Variants in ZYG11A observed in about 807,000 individuals in gnomAD.
The protein encoded by ZYG11A is zyg-11 family member A, cell cycle regulator, also known as protein zyg-11 homolog A.
ZYG11A carries 62 observed loss-of-function variants against 77.2 expected under a neutral mutation model. The observed-to-expected ratio is 0.80, with a 90% CI of 0.65 to 0.99. The LOEUF is 0.99. Among genes scored for constraint, ZYG11A ranks in the 50% least tolerant of loss-of-function variants. ZYG11A has a pLI of 0.00. For synonymous variants in ZYG11A, 315 were observed against 324.6 expected, an observed-to-expected ratio of 0.97 and a Z score of 0.32; for missense variants, 828 against 896.8, an observed-to-expected ratio of 0.92 and a Z score of 0.98.
chr1:52,886,040 C>T (rs944010775), intron 12 of ZYG11A, 146 bp downstream of exon 12: 5 of 560,388 alleles, frequency 8.9e-6, no homozygotes, highest in South Asian at 2.6e-5. Flanking sequence ...TCACGCCATT[C>T]TCCTGCCTCA....
At chr1:52,879,514 C>T (rs767322018) in intron 10 of ZYG11A, among the ~76,000 whole-genome samples, 2 of 151,412 alleles carry the variant, frequency 1.3e-5, no homozygotes, top group African/African-American at 2.4e-5. Flanking sequence ...CTGGAAGGTA[C>T]GGAAAAGTAT....
chr1:52,849,255 A>C (rs923495804), intron 1 of ZYG11A, among the ~76,000 whole-genome samples: 6 of 151,644 alleles, frequency 4.0e-5, no homozygotes, highest in Non-Finnish European at 8.8e-5. Context: ...TTTTTAGTAG[A>C]GATGGGGTTT....
intron 1 of ZYG11A, among the ~76,000 whole-genome samples, chr1:52,853,315 G>T (rs957749719): frequency 6.6e-6 from 1 of 152,174 alleles, no homozygotes; most frequent in Non-Finnish European, 1.5e-5. Flanking sequence ...ATCTGTACAT[G>T]CCTTTATAGC....
chr1:52,861,976 T>A (rs1645935906), intron 4 of ZYG11A, among the ~76,000 whole-genome samples: 1 of 151,918 alleles, frequency 6.6e-6, no homozygotes, highest in Non-Finnish European at 1.5e-5. Flanking sequence ...TTTGGGAGGC[T>A]GAGGTGGACA....
chr1:52,879,739 C>G (rs1646328586), intron 10 of ZYG11A, among the ~76,000 whole-genome samples: 1 of 142,158 alleles, frequency 7.0e-6, no homozygotes, highest in African/African-American at 2.6e-5. Context: ...AAAAGATCTT[C>G]CACTTTTCTT....
intron 7 of ZYG11A, 27 bp from the exon 8 acceptor site, chr1:52,867,700 C>G (rs1408800905): frequency 6.4e-7 from 1 of 1,551,160 alleles, no homozygotes; most frequent in Admixed American, 2.0e-5. Context: ...TTCCATAGTT[C>G]ACTTGAGCCT....
Position 52,842,950 on chromosome 1 carries a change from G to T in ZYG11A, c.67G>T (p.Ala23Ser). The T allele has an allele frequency of 6.5e-7, 1 of 1,530,206 alleles. No individual in the cohort carries two copies. The allele number at this position is 1,530,206 out of a possible 1,614,324, so 94.8% of individuals were successfully genotyped here. A position where few individuals can be genotyped will look rare whatever the true frequency, so the allele number is the denominator to read the frequency against. The change falls in exon 1 of 14, where the codon GCC becomes TCC. Residue 23 changes from alanine (A) to serine (S), a missense_variant. Transcript: ENST00000371528. ...NIVPPDAQKD[A>S]LGCCVVQEEA... ...CGTCCCTCCTGACGCTCAGAAGGAT[G>T]CCCTGGGCTGCTGCGTGGTACAGGT...
Position 52,881,664 on chromosome 1 carries a change from T to G in ZYG11A, c.1943T>G (p.Leu648Arg). The change falls in exon 11 of 14, where the codon CTG (leucine) becomes CGG (arginine). Residue 648 changes from leucine to arginine, a missense_variant and splice_region_variant. Physicochemically the swap from Leu to Arg is moderately radical, Grantham distance 102. Coordinates refer to ENST00000371528, the MANE Select transcript of ZYG11A (RefSeq NM_001004339.3). ...DFQRRTLLQDLHATIQNWPSS... is the reference protein window; with the variant it reads ...DFQRRTLLQDRHATIQNWPSS... ...CAGAGGCGTACTCTTCTCCAAGATC[T>G]GGTACAGGAACCACATTCTTATTTA... is the stretch of plus-strand genomic sequence containing the variant. The G allele has an allele frequency of 6.5e-7, 1 of 1,547,342 alleles. No individual in the cohort carries two copies. Among genetic ancestry groups the G allele is most frequent in the Non-Finnish European group, 8.7e-7 (1 of 1,144,366 alleles).
rs1300299141 is a variant in ZYG11A, at chr1:52,877,837, C to T, written c.1698C>T (p.Val566=). ...AAGGATTGCAAATCTTCATCCAAGT[C>T]TTGGAGGTGGGAAGACAGGATTGAG... ...ENQGLQIFIQ[V]LETFSESAIQ... is the part of the protein sequence containing the mutation. Residue 566 remains valine, a synonymous_variant, in exon 9 of 14, where the codon GTC becomes GTT. Transcript: ENST00000371528. 6.4e-6 allele frequency: 10 copies of T among 1,551,324 alleles called. No individual in the cohort carries two copies. The highest frequency in any genetic ancestry group is 1.4e-5 in the African/African-American group (1 of 73,024).
intron 8 of ZYG11A, among the ~76,000 whole-genome samples, chr1:52,873,260 C>T (rs539550040): frequency 1.3e-5 from 2 of 152,258 alleles, no homozygotes; most frequent in African/African-American, 2.4e-5. Flanking sequence ...CTGCAATGAG[C>T]GGTGATTGTG....
chr1:52,870,729 CGCGCGCCTGCAGTCGCAG>C (rs1646144271), intron 8 of ZYG11A, among the ~76,000 whole-genome samples: 4 of 152,164 alleles, frequency 2.6e-5, no homozygotes, highest in African/African-American at 9.7e-5. Context: ...GGCGTGACGG[CGCGCGCCTGCAGTCGCAG>C]GCACTCGGCA....
rs954493572 is a variant in ZYG11A at position 52,866,575 on chromosome 1, TAA to T, written c.1391+9_1391+10del. The T allele has an allele frequency of 8.5e-5, 130 of 1,524,858 alleles. No homozygotes were observed. Among genetic ancestry groups the T allele is most frequent in the Non-Finnish European group, 1.1e-4 (121 of 1,123,576 alleles). 94.5% of individuals were successfully genotyped at this position (1,524,858 alleles called of 1,614,324 possible). A position where few individuals can be genotyped will look rare whatever the true frequency, so the allele number is the denominator to read the frequency against. ...GGATGTTCCATTTGACAGGCAAGTA[TAA>T]GACTTGGTCATTTGACTGGGGTGTT... On this transcript the variant is annotated intron_variant, in intron 6 of 13. Transcript: ENST00000371528.
intron 13 of ZYG11A, among the ~76,000 whole-genome samples, chr1:52,888,229 T>C (rs1047546098): frequency 1.3e-5 from 2 of 152,222 alleles, no homozygotes. Context: ...ACCTATTAGA[T>C]ATATAGATGT....
chr1:52,866,180 G>A (rs1229627030), intron 5 of ZYG11A, among the ~76,000 whole-genome samples: 2 of 152,026 alleles, frequency 1.3e-5, no homozygotes, highest in African/African-American at 4.8e-5. Context: ...CTCGTGATCC[G>A]CCTGCCTCTG....
At chr1:52,872,901 AAAAG>A (rs1557448452) in intron 8 of ZYG11A, among the ~76,000 whole-genome samples, 1 of 45,988 alleles carries the variant, frequency 2.2e-5, no homozygotes, top group Admixed American at 1.7e-4. Flanking sequence ...AAAAAAAAAG[AAAAG>A]AAAAGAAAGA....
intron 13 of ZYG11A, among the ~76,000 whole-genome samples, chr1:52,888,973 T>C (rs1646492254): frequency 6.6e-6 from 1 of 152,174 alleles, no homozygotes; most frequent in African/African-American, 2.4e-5. Flanking sequence ...AACAGACTCA[T>C]ACAGTTATAA....
intron 13 of ZYG11A, among the ~76,000 whole-genome samples, chr1:52,891,857 C>G (rs371294836): frequency 7.0e-6 from 1 of 142,012 alleles, no homozygotes; most frequent in Non-Finnish European, 1.5e-5. Context: ...TTTGTACATT[C>G]ATCTATGCAT....
rs1463254179 is a variant in ZYG11A, at chr1:52,893,815, T to A, written c.*858T>A. ...AGAAATATATTTTTTTACCTTTTTT[T>A]TTTTTTTTTTTTTTGTGACGGAATC... On this transcript the variant is annotated 3_prime_UTR_variant, in exon 14 of 14. Coordinates refer to ENST00000371528, the MANE Select transcript of ZYG11A (RefSeq NM_001004339.3). The A allele has an allele frequency of 1.4e-5, 2 of 140,914 alleles. No individual in the cohort carries two copies. The highest frequency in any genetic ancestry group is 3.1e-5 in the Non-Finnish European group (2 of 64,522). The allele number at this position is 140,914 out of a possible 1,614,324, so 8.7% of individuals were successfully genotyped here. A position where few individuals can be genotyped will look rare whatever the true frequency, so the allele number is the denominator to read the frequency against.
chr1:52,887,041 T>G lies in ZYG11A; in HGVS notation c.2092T>G (p.Cys698Gly). 6.5e-7 allele frequency: 1 copy of G among 1,528,080 alleles called. No individual in the cohort carries two copies. The highest frequency in any genetic ancestry group is 8.9e-7 in the Non-Finnish European group (1 of 1,128,844). 94.7% of individuals were successfully genotyped at this position (1,528,080 alleles called of 1,614,324 possible). ...GGCACTATGGGCTATGTATCATGTC[T>G]GCAGTAAAAATCGTATGTATTCAAC... is the stretch of plus-strand genomic sequence containing the variant. Reference protein sequence around the residue: ...LWALWAMYHVCSKNPSKYCKM... With the variant: ...LWALWAMYHVGSKNPSKYCKM... Residue 698 changes from cysteine to glycine, a missense_variant, in exon 13 of 14, where the codon TGC (cysteine) becomes GGC (glycine). Physicochemically the swap from Cys to Gly is radical, Grantham distance 159. Transcript: ENST00000371528.
Sources: allele counts gnomAD v4.1 joint callset (sites outside exome capture counted in the v4.1 genomes callset), GRCh38; gene constraint gnomAD v4.1.1; transcripts MANE v1.5; gene names NCBI Gene and HGNC (gene_info 2026-07-23, HGNC 2026-07-21).